Variants in TFCP2 observed in about 807,000 individuals in gnomAD.
The protein encoded by TFCP2 is alpha-globin transcription factor CP2.
A neutral mutation model predicts 73.4 loss-of-function variants in TFCP2; 33 were observed. That is an observed-to-expected ratio of 0.45 (90% CI 0.34 to 0.60). TFCP2 has a LOEUF of 0.60. Ranked by LOEUF, TFCP2 falls within the 20% of genes least tolerant of loss-of-function variation. The probability of loss-of-function intolerance (pLI) is 0.01; values close to 1 mark genes in which losing one functional copy is unlikely to be tolerated. For missense variants in TFCP2, 352 were observed against 604.0 expected (o/e 0.58, Z 4.37); for synonymous variants, 193 against 211.6 (o/e 0.91, Z 0.76).
At position 51,101,198 on chromosome 12, in the gene TFCP2, G is replaced by T. The variant is rs370159546; in HGVS notation, c.1151+737C>A. Among the ~76,000 whole-genome samples, 9 of 152,218 alleles carry T rather than the reference G, an allele frequency of 5.9e-5. 1 individual carries two copies. In the South Asian group the frequency reaches 1.9e-3, roughly 32 times the overall value. Reference sequence around the variant, plus strand: ...CAGGCGCCTGTAGTCCCAGCTACTCGGGAGGCTGAGGCAGGAGAATGGCGT... The same window carrying T: ...CAGGCGCCTGTAGTCCCAGCTACTCTGGAGGCTGAGGCAGGAGAATGGCGT... On this transcript the variant is annotated intron_variant, in intron 11 of 14. Transcript: ENST00000257915.
chr12:51,095,913 CAAA>C, intron 14 of TFCP2, 73 bp downstream of exon 14: 1 of 1,140,790 alleles, frequency 8.8e-7, no homozygotes, highest in Non-Finnish European at 1.3e-6. Context: ...TATCTCTCCT[CAAA>C]GAAGTATGTA....
intron 11 of TFCP2, among the ~76,000 whole-genome samples, chr12:51,100,567 G>A (rs1298275771): frequency 6.6e-6 from 1 of 152,148 alleles, no homozygotes; most frequent in Non-Finnish European, 1.5e-5. Flanking sequence ...TGTAATCCCA[G>A]CACTTTAGGA....
chr12:51,131,029 A>G (rs1172867377), intron 1 of TFCP2, among the ~76,000 whole-genome samples: 1 of 151,086 alleles, frequency 6.6e-6, no homozygotes, highest in Non-Finnish European at 1.5e-5. Flanking sequence ...TTGCCTTGAC[A>G]AAACAAGGAC....
At chr12:51,107,878 A>G (rs1302946699) in intron 6 of TFCP2, among the ~76,000 whole-genome samples, 1 of 150,112 alleles carries the variant, frequency 6.7e-6, no homozygotes, top group African/African-American at 2.4e-5. Flanking sequence ...TGCTGGGATT[A>G]CAGGCATGAG....
At chr12:51,156,194 A>C (rs1184497482) in intron 1 of TFCP2, among the ~76,000 whole-genome samples, 2 of 152,186 alleles carry the variant, frequency 1.3e-5, no homozygotes, top group Non-Finnish European at 2.9e-5. Flanking sequence ...CAAAGTAAAG[A>C]GGTTTATTTG....
chr12:51,098,243 G>A (rs1940013913), intron 13 of TFCP2, among the ~76,000 whole-genome samples: 1 of 152,010 alleles, frequency 6.6e-6, no homozygotes, highest in African/African-American at 2.4e-5. Context: ...CATTATATAT[G>A]CCCAGAAATG....
intron 8 of TFCP2, among the ~76,000 whole-genome samples, chr12:51,105,556 A>C (rs1940214741): frequency 3.3e-5 from 5 of 152,240 alleles, no homozygotes; most frequent in Admixed American, 2.6e-4. Context: ...ACCTATAAGT[A>C]GAATGTATCA....
chr12:51,134,212 A>G (rs1301817260), intron 1 of TFCP2, among the ~76,000 whole-genome samples: 1 of 152,218 alleles, frequency 6.6e-6, no homozygotes, highest in Non-Finnish European at 1.5e-5. Flanking sequence ...CCCAGTACAC[A>G]CATACATATG....
At chr12:51,120,202 G>GAAC (rs1382057934) in intron 1 of TFCP2, among the ~76,000 whole-genome samples, 2 of 80,852 alleles carry the variant, frequency 2.5e-5, no homozygotes. Context: ...AAAAAAAAAA[G>GAAC]AACAACAACA....
In TFCP2 at chr12:51,161,418, C is replaced by T. The variant is rs535176056; in HGVS notation, c.122+10883G>A. 2.8e-4 allele frequency among the ~76,000 whole-genome samples: 42 copies of T among 151,958 alleles called. No individual in the cohort carries two copies. The South Asian group carries it at 6.9e-3, about 25-fold the overall frequency. On this transcript the variant is annotated intron_variant, in intron 1 of 14. Coordinates refer to ENST00000257915, the MANE Select transcript of TFCP2 (RefSeq NM_005653.5). ...GAAATTGGCTGGGCACAGTGGCTCA[C>T]GCCTGCAATCCCAGCACTTTGGGAG... is the stretch of plus-strand genomic sequence containing the variant.
chr12:51,164,596 C>CG (rs1235357338), intron 1 of TFCP2, among the ~76,000 whole-genome samples: 4 of 96,862 alleles, frequency 4.1e-5, no homozygotes, highest in South Asian at 3.7e-4. Flanking sequence ...GACTCCATCT[C>CG]GAAAAAAAAA....
chr12:51,101,576 C>A (rs1225065211), intron 11 of TFCP2, among the ~76,000 whole-genome samples: 1 of 152,128 alleles, frequency 6.6e-6, no homozygotes, highest in African/African-American at 2.4e-5. Context: ...TCACTATCCA[C>A]AATATTTATT....
At chr12:51,145,960 C>T (rs2137022541) in intron 1 of TFCP2, among the ~76,000 whole-genome samples, 1 of 151,490 alleles carries the variant, frequency 6.6e-6, no homozygotes, top group Admixed American at 6.6e-5. Flanking sequence ...TTCCCCCTCC[C>T]CACCAAAAAA....
At chr12:51,120,357 C>CA (rs1210827567) in intron 1 of TFCP2, among the ~76,000 whole-genome samples, 1 of 151,724 alleles carries the variant, frequency 6.6e-6, no homozygotes, top group Non-Finnish European at 1.5e-5. Flanking sequence ...TAATGCTCGA[C>CA]AAAAAAAGCC....
intron 1 of TFCP2, among the ~76,000 whole-genome samples, chr12:51,146,882 C>T (rs148553162): frequency 5.3e-5 from 8 of 152,280 alleles, no homozygotes; most frequent in African/African-American, 1.9e-4. Context: ...AAGACAGAAA[C>T]CTGTTTATTT....
At chr12:51,125,565 TC>T (rs1940792633) in intron 1 of TFCP2, among the ~76,000 whole-genome samples, 1 of 152,376 alleles carries the variant, frequency 6.6e-6, no homozygotes, top group East Asian at 1.9e-4. Flanking sequence ...GCTTCTGCTT[TC>T]TTTAGCCCTT....
intron 1 of TFCP2, among the ~76,000 whole-genome samples, chr12:51,138,838 A>G (rs930473854): frequency 6.6e-6 from 1 of 151,944 alleles, no homozygotes; most frequent in Non-Finnish European, 1.5e-5. Context: ...GGGTTTCTCC[A>G]TGTTGGTCAG....
intron 1 of TFCP2, among the ~76,000 whole-genome samples, chr12:51,129,286 G>A (rs182898574): frequency 6.6e-6 from 1 of 152,138 alleles, no homozygotes; most frequent in East Asian, 1.9e-4. Flanking sequence ...GGCTGAGGTG[G>A]GCGGATCACG....
chr12:51,157,235 T>G (rs1941555428), intron 1 of TFCP2, among the ~76,000 whole-genome samples: 2 of 152,126 alleles, frequency 1.3e-5, no homozygotes, highest in South Asian at 4.1e-4. Flanking sequence ...TTGGCCAGGC[T>G]GGTCTCAAAC....
Sources: allele counts gnomAD v4.1 joint callset (sites outside exome capture counted in the v4.1 genomes callset), GRCh38; gene constraint gnomAD v4.1.1; transcripts MANE v1.5; gene names NCBI Gene and HGNC (gene_info 2026-07-23, HGNC 2026-07-21).